The following NFIB variants were observed in gnomAD, a reference collection of about 807,000 sequenced individuals.
The protein encoded by NFIB is nuclear factor 1 B-type.
Under a neutral mutation model 61.5 loss-of-function variants are expected in NFIB, and 11 were observed. The observed-to-expected ratio is 0.18, with a 90% CI of 0.11 to 0.30. NFIB has a LOEUF of 0.30. Ranked by LOEUF, NFIB falls within the 10% of genes least tolerant of loss-of-function variation. NFIB has a pLI of 1.00. For synonymous variants in NFIB, 260 were observed against 216.5 expected (o/e 1.20, Z -1.76); for missense variants, 471 against 608.9 (o/e 0.77, Z 2.38).
chr9:14,138,271 C>T (rs1013548657), intron 6 of NFIB, among the ~76,000 whole-genome samples: 11 of 152,104 alleles, frequency 7.2e-5, no homozygotes, highest in African/African-American at 2.7e-4. Context: ...GCAATAGAAT[C>T]TTGTTTTCCA....
the NFIB span, among the ~76,000 whole-genome samples, chr9:14,481,207 A>G: frequency 2.1e-3 from 136 of 64,240 alleles, 4 homozygotes; most frequent in African/African-American, 5.6e-3. Flanking sequence ...GTATATATAT[A>G]TATATATATA....
chr9:14,161,257 T>C (rs1426615608), intron 3 of NFIB, among the ~76,000 whole-genome samples: 3 of 152,190 alleles, frequency 2.0e-5, no homozygotes, highest in African/African-American at 7.2e-5. Context: ...ACTGTGATTA[T>C]AAAATAGAAA....
intron 2 of NFIB, among the ~76,000 whole-genome samples, chr9:14,200,770 T>C (rs185626625): frequency 2.7e-4 from 41 of 152,294 alleles, no homozygotes; most frequent in African/African-American, 9.6e-4. Flanking sequence ...CTTGTCTTTG[T>C]ACATTCCCCC....
chr9:14,427,039 T>G, the NFIB span, among the ~76,000 whole-genome samples: 3 of 152,170 alleles, frequency 2.0e-5, no homozygotes, highest in Admixed American at 6.5e-5. Flanking sequence ...CAGGTCTCAG[T>G]GCCAAAAAGA....
chr9:14,502,962 C>T, the NFIB span, among the ~76,000 whole-genome samples: 1 of 151,942 alleles, frequency 6.6e-6, no homozygotes, highest in Non-Finnish European at 1.5e-5. Flanking sequence ...CTTATGAGTG[C>T]AAACATACAA....
intron 2 of NFIB, among the ~76,000 whole-genome samples, chr9:14,246,960 G>A (rs1206723698): frequency 6.6e-6 from 1 of 152,058 alleles, no homozygotes; most frequent in Non-Finnish European, 1.5e-5. Context: ...ATGCCAATGT[G>A]CCTGATCTCT....
chr9:14,371,955 CT>C (rs1191872328), intron 1 of NFIB, among the ~76,000 whole-genome samples: 3 of 152,292 alleles, frequency 2.0e-5, no homozygotes, highest in African/African-American at 7.2e-5. Flanking sequence ...GCTCCCCACT[CT>C]GCTCCAATTG....
chr9:14,525,984 G>A, the NFIB span, among the ~76,000 whole-genome samples: 1 of 151,992 alleles, frequency 6.6e-6, no homozygotes, highest in Admixed American at 6.6e-5. Flanking sequence ...GTGCCTCGCC[G>A]ACTCCATCTC....
the NFIB span, chr9:14,531,904 G>A: frequency 1.3e-5 from 2 of 152,218 alleles, no homozygotes; most frequent in Admixed American, 1.3e-4. Flanking sequence ...AGGGAGGGAA[G>A]TTTTGGGGGT....
intron 2 of NFIB, among the ~76,000 whole-genome samples, chr9:14,300,613 G>A (rs895126396): frequency 6.6e-6 from 1 of 152,130 alleles, no homozygotes; most frequent in African/African-American, 2.4e-5. Context: ...TGCAAACTTG[G>A]AGCTTCAAAC....
intron 1 of NFIB, among the ~76,000 whole-genome samples, chr9:14,351,697 TAAG>T (rs2061114895): frequency 1.3e-5 from 2 of 152,222 alleles, no homozygotes; most frequent in South Asian, 4.1e-4. Context: ...AACTCAAACT[TAAG>T]AAGCCTCCCT....
At chr9:14,484,160 TA>T in the NFIB span, among the ~76,000 whole-genome samples, 1 of 152,188 alleles carries the variant, frequency 6.6e-6, no homozygotes, top group Admixed American at 6.5e-5. Context: ...TTAATTCACT[TA>T]AAAAATGTAA....
chr9:14,498,489 T>C, the NFIB span, among the ~76,000 whole-genome samples: 1 of 152,230 alleles, frequency 6.6e-6, no homozygotes, highest in Non-Finnish European at 1.5e-5. Flanking sequence ...ATAACTCTTC[T>C]TTGAATACGA....
intron 1 of NFIB, among the ~76,000 whole-genome samples, chr9:14,327,723 A>G (rs1328656281): frequency 1.3e-5 from 2 of 152,212 alleles, no homozygotes; most frequent in Non-Finnish European, 2.9e-5. Context: ...GTGGGCTTGT[A>G]GAATGAAAAT....
chr9:14,498,994 GTA>G, the NFIB span, among the ~76,000 whole-genome samples: 47 of 151,884 alleles, frequency 3.1e-4, no homozygotes, highest in African/African-American at 1.1e-3. Flanking sequence ...GCAATTGTGT[GTA>G]TGTGTGTGTG....
At position 14,085,446 on chromosome 9, in the gene NFIB, A is replaced by T. The variant is rs1185479170; in HGVS notation, c.*2863T>A. 4.5e-6 allele frequency: 1 copy of T among 221,616 alleles called. No homozygotes were observed. The highest frequency in any genetic ancestry group is 5.8e-5 in the Admixed American group (1 of 17,352). 13.7% of individuals were successfully genotyped at this position (221,616 alleles called of 1,614,324 possible). On this transcript the variant is annotated 3_prime_UTR_variant, in exon 11 of 11. Transcript: ENST00000380953. ...AGCCTCTAGCCCTCAGGGGAAACGAAATCAAATATATAGTTAAGGTACCAT... is the reference window on the plus strand; with the variant it reads ...AGCCTCTAGCCCTCAGGGGAAACGATATCAAATATATAGTTAAGGTACCAT...
chr9:14,386,127 C>A (rs1588405922), intron 1 of NFIB, among the ~76,000 whole-genome samples: 1 of 152,164 alleles, frequency 6.6e-6, no homozygotes, highest in Non-Finnish European at 1.5e-5. Context: ...TAGATGAAAT[C>A]TAGTCATTCA....
the NFIB span, among the ~76,000 whole-genome samples, chr9:14,502,857 G>A: frequency 2.6e-5 from 4 of 152,046 alleles, no homozygotes; most frequent in Admixed American, 6.6e-5. Flanking sequence ...ACTGTACCCA[G>A]TGTGTAGTAT....
rs371325284 is a variant in NFIB, at chr9:14,373,397, T to C, written c.108+25127A>G. Among the ~76,000 whole-genome samples, 7 of 152,374 alleles carry C rather than the reference T, an allele frequency of 4.6e-5. No homozygotes were observed. In the East Asian group the frequency reaches 1.3e-3, roughly 29 times the overall value. ...GGAATATCTTTTGTCTTATAGCCTG[T>C]TGTAATCACTTCCAGACCAGTGGTA... On this transcript the variant is annotated intron_variant, in intron 1 of 8. Coordinates refer to the NFIB transcript ENST00000380934.
Sources: allele counts gnomAD v4.1 joint callset (sites outside exome capture counted in the v4.1 genomes callset), GRCh38; gene constraint gnomAD v4.1.1; transcripts MANE v1.5; gene names NCBI Gene and HGNC (gene_info 2026-07-23, HGNC 2026-07-21).